The following HNRNPC variants were observed in gnomAD, a reference collection of about 807,000 sequenced individuals.
HNRNPC encodes the protein heterogeneous nuclear ribonucleoprotein C.
In HNRNPC, 3 loss-of-function variants were observed where a neutral mutation model predicts 33.2. The observed-to-expected ratio is 0.09, with a 90% CI of 0.04 to 0.23. The LOEUF is 0.23. Among genes scored for constraint, HNRNPC ranks in the 10% least tolerant of loss-of-function variants. The pLI is 1.00. For synonymous variants in HNRNPC, 121 were observed against 126.7 expected, an observed-to-expected ratio of 0.96 and a Z score of 0.30; for missense variants, 143 against 366.7, an observed-to-expected ratio of 0.39 and a Z score of 4.98.
At chr14:21,234,960 T>C (rs1425435457) in intron 2 of HNRNPC, 2 of 152,190 alleles carry the variant, frequency 1.3e-5, no homozygotes, top group Non-Finnish European at 2.9e-5. Context: ...CATTTAATAA[T>C]ATCGGATGGT....
chr14:21,249,010 A>T (rs1410312639), intron 2 of HNRNPC, among the ~76,000 whole-genome samples: 2 of 152,242 alleles, frequency 1.3e-5, no homozygotes, highest in African/African-American at 4.8e-5. Flanking sequence ...GAGCATAACC[A>T]AAGTATGTAC....
intron 2 of HNRNPC, among the ~76,000 whole-genome samples, chr14:21,244,153 C>A (rs900074045): frequency 3.3e-5 from 5 of 152,004 alleles, no homozygotes; most frequent in African/African-American, 4.8e-5. Flanking sequence ...CCCGCCACCA[C>A]ATCCGGATAA....
chr14:21,238,777 G>A (rs1469978687), intron 2 of HNRNPC, among the ~76,000 whole-genome samples: 21 of 151,856 alleles, frequency 1.4e-4, no homozygotes, highest in Admixed American at 1.3e-3. Flanking sequence ...TGTAATAGTC[G>A]AATAATGCTG....
At chr14:21,260,026 C>T (rs1877928102) in intron 2 of HNRNPC, among the ~76,000 whole-genome samples, 2 of 149,428 alleles carry the variant, frequency 1.3e-5, no homozygotes, top group South Asian at 4.2e-4. Flanking sequence ...GGTGAAACCC[C>T]GTCTCTACTA....
intron 2 of HNRNPC, among the ~76,000 whole-genome samples, chr14:21,237,347 G>T (rs950616712): frequency 9.2e-5 from 14 of 152,170 alleles, no homozygotes; most frequent in African/African-American, 3.4e-4. Context: ...ATTTTTGTAG[G>T]TAAGTTCCGC....
chr14:21,253,157 A>G (rs1211735827), intron 2 of HNRNPC, among the ~76,000 whole-genome samples: 1 of 136,146 alleles, frequency 7.3e-6, no homozygotes, highest in Non-Finnish European at 1.6e-5. Context: ...CTGGCAACAG[A>G]GCAAGACTCT....
intron 1 of HNRNPC, among the ~76,000 whole-genome samples, chr14:21,266,282 T>A (rs1321780316): frequency 1.3e-5 from 2 of 151,930 alleles, no homozygotes; most frequent in African/African-American, 2.4e-5. Flanking sequence ...TTATTTTCAG[T>A]AGAGATGGGG....
chr14:21,247,553 TC>T (rs1896125785), intron 2 of HNRNPC, among the ~76,000 whole-genome samples: 1 of 152,184 alleles, frequency 6.6e-6, no homozygotes, highest in Admixed American at 6.6e-5. Flanking sequence ...AAAGTTACAC[TC>T]TGGTTTCATT....
At chr14:21,243,308 C>T (rs1175308882) in intron 2 of HNRNPC, among the ~76,000 whole-genome samples, 1 of 152,110 alleles carries the variant, frequency 6.6e-6, no homozygotes. Flanking sequence ...CAGTGCGTAT[C>T]ATGTTTGCTG....
chr14:21,247,970 G>A (rs1445904942), intron 2 of HNRNPC, among the ~76,000 whole-genome samples: 4 of 150,858 alleles, frequency 2.7e-5, no homozygotes, highest in South Asian at 2.1e-4. Context: ...CAGCCTCGGC[G>A]ATGCAGTAAG....
chr14:21,255,008 G>T (rs1409157983), intron 2 of HNRNPC, among the ~76,000 whole-genome samples: 1 of 151,944 alleles, frequency 6.6e-6, no homozygotes, highest in African/African-American at 2.4e-5. Context: ...AAACTTAAGG[G>T]TAATAGCATG....
intron 4 of HNRNPC, chr14:21,230,788 C>G: frequency 1.8e-6 from 1 of 545,062 alleles, no homozygotes; most frequent in Non-Finnish European, 3.2e-6. Flanking sequence ...TTTTAATTCT[C>G]TAGAAATTTT....
At chr14:21,222,871 G>T (rs1378842120) in intron 5 of HNRNPC, among the ~76,000 whole-genome samples, 1 of 151,962 alleles carries the variant, frequency 6.6e-6, no homozygotes, top group Non-Finnish European at 1.5e-5. Flanking sequence ...TCCAGCCTGG[G>T]CGACAGAGGG....
chr14:21,268,934 G>C (rs1454596074), intron 1 of HNRNPC, among the ~76,000 whole-genome samples: 1 of 151,968 alleles, frequency 6.6e-6, no homozygotes, highest in Admixed American at 6.6e-5. Context: ...AAGAAGAACG[G>C]AGGTAATAGA....
chr14:21,221,190 T>C (rs1016745430), intron 5 of HNRNPC, among the ~76,000 whole-genome samples: 1 of 152,228 alleles, frequency 6.6e-6, no homozygotes, highest in East Asian at 1.9e-4. Flanking sequence ...CAAATACCAG[T>C]TTATTTCTAC....
intron 3 of HNRNPC, 152 bp from the exon 4 acceptor site, chr14:21,231,224 T>A: frequency 1.3e-6 from 1 of 742,998 alleles, no homozygotes; most frequent in Admixed American, 2.1e-5. Flanking sequence ...AACCTCTACC[T>A]CCCGGTTCAA....
intron 2 of HNRNPC, among the ~76,000 whole-genome samples, chr14:21,245,164 CA>C (rs1426039389): frequency 2.0e-5 from 3 of 149,366 alleles, no homozygotes; most frequent in Non-Finnish European, 4.4e-5. Context: ...TTGTGTACTT[CA>C]AAAAAGAAAA....
chr14:21,230,382 C>T lies in HNRNPC; in HGVS notation c.318-16G>A. On this transcript the variant is annotated splice_polypyrimidine_tract_variant and intron_variant, in intron 4 of 8. Transcript: ENST00000553300. ...AAAAGAGGAGCTGAAAAATAAATAC[C>T]GAAAAGGGTTAATTTGGAAATGTTT... 6.3e-7 allele frequency: 1 copy of T among 1,596,936 alleles called. No individual in the cohort carries two copies. Among genetic ancestry groups the T allele is most frequent in the Non-Finnish European group, 8.6e-7 (1 of 1,165,512 alleles).
At chr14:21,244,371 C>A (rs1895707660) in intron 2 of HNRNPC, among the ~76,000 whole-genome samples, 1 of 152,116 alleles carries the variant, frequency 6.6e-6, no homozygotes, top group Non-Finnish European at 1.5e-5. Context: ...TGTAATGCAA[C>A]AAATAAAAAA....
Sources: allele counts gnomAD v4.1 joint callset (sites outside exome capture counted in the v4.1 genomes callset), GRCh38; gene constraint gnomAD v4.1.1; transcripts MANE v1.5; gene names NCBI Gene and HGNC (gene_info 2026-07-23, HGNC 2026-07-21).